Variants in KIAA1217 observed in about 807,000 individuals in gnomAD.
KIAA1217 encodes the protein sickle tail protein homolog.
A neutral mutation model predicts 163.9 loss-of-function variants in KIAA1217; 88 were observed. The observed-to-expected ratio is 0.54, with a 90% CI of 0.45 to 0.64. KIAA1217 has a LOEUF of 0.64. Ranked by LOEUF, KIAA1217 falls within the 30% of genes least tolerant of loss-of-function variation. The probability of loss-of-function intolerance (pLI) is 0.00; values close to 1 mark genes in which losing one functional copy is unlikely to be tolerated. For synonymous variants in KIAA1217, 903 were observed against 923.1 expected, an observed-to-expected ratio of 0.98 and a Z score of 0.39; for missense variants, 2,372 against 2,475.0, an observed-to-expected ratio of 0.96 and a Z score of 0.88.
intron 1 of KIAA1217, among the ~76,000 whole-genome samples, chr10:23,815,753 C>A (rs1837287589): frequency 1.3e-5 from 2 of 152,186 alleles, no homozygotes; most frequent in African/African-American, 2.4e-5. Flanking sequence ...TCACATATTT[C>A]ATGTATAATG....
At chr10:24,260,607 A>G (rs1021549923) in intron 2 of KIAA1217, among the ~76,000 whole-genome samples, 17 of 139,858 alleles carry the variant, frequency 1.2e-4, no homozygotes, top group Admixed American at 3.0e-4. Flanking sequence ...AAAAAAAAAA[A>G]GCCAAGTATG....
At chr10:24,532,063 G>A in intron 15 of KIAA1217, 70 bp downstream of exon 15, 4 of 1,333,550 alleles carry the variant, frequency 3.0e-6, no homozygotes, top group Non-Finnish European at 3.9e-6. Flanking sequence ...GGTTCTCTCT[G>A]TTGGAACATA....
chr10:23,869,652 C>G (rs1034096765), intron 1 of KIAA1217, among the ~76,000 whole-genome samples: 2 of 152,094 alleles, frequency 1.3e-5, no homozygotes, highest in African/African-American at 4.8e-5. Flanking sequence ...TGATGTCACT[C>G]TCACCATCTC....
At chr10:23,846,117 C>T (rs938966165) in intron 1 of KIAA1217, among the ~76,000 whole-genome samples, 10 of 152,104 alleles carry the variant, frequency 6.6e-5, no homozygotes, top group Admixed American at 5.9e-4. Context: ...CAGTACCATG[C>T]TGTTTTGGTT....
chr10:24,278,242 C>T (rs1342256919), intron 2 of KIAA1217, among the ~76,000 whole-genome samples: 1 of 152,200 alleles, frequency 6.6e-6, no homozygotes, highest in Non-Finnish European at 1.5e-5. Context: ...TTCTGAAAGA[C>T]TGTCAGGTAG....
At chr10:23,736,594 C>T (rs1340625649) in intron 1 of KIAA1217, among the ~76,000 whole-genome samples, 2 of 152,156 alleles carry the variant, frequency 1.3e-5, no homozygotes, top group Admixed American at 6.5e-5. Flanking sequence ...GTGAACATAG[C>T]TCACTGCAGC....
At chr10:23,972,102 C>T (rs529680654) in intron 1 of KIAA1217, among the ~76,000 whole-genome samples, 1 of 152,282 alleles carries the variant, frequency 6.6e-6, no homozygotes, top group East Asian at 1.9e-4. Flanking sequence ...ACTTTGGGTA[C>T]ATGTTCTCAG....
In KIAA1217 at chr10:24,286,513, G is replaced by A. The variant is rs1231187100; in HGVS notation, c.354+66604G>A. ...ACATACACACAATCACTCCTTAAATGTGCAAGACCGGGACTTGACTTTGAG... is the reference window on the plus strand; with the variant it reads ...ACATACACACAATCACTCCTTAAATATGCAAGACCGGGACTTGACTTTGAG... On this transcript the variant is annotated intron_variant, in intron 2 of 20. Coordinates refer to ENST00000376454, the MANE Select transcript of KIAA1217 (RefSeq NM_019590.5). Among the ~76,000 whole-genome samples, 5 of 151,706 alleles carry A rather than the reference G, an allele frequency of 3.3e-5. No individual in the cohort carries two copies. In the East Asian group the frequency reaches 5.8e-4, roughly 18 times the overall value.
intron 2 of KIAA1217, among the ~76,000 whole-genome samples, chr10:24,365,279 C>G (rs1304070463): frequency 6.6e-6 from 1 of 152,114 alleles, no homozygotes; most frequent in Non-Finnish European, 1.5e-5. Context: ...CACTGGGACT[C>G]CGGTCTCTTC....
chr10:24,388,223 C>A (rs1467687204), intron 3 of KIAA1217, among the ~76,000 whole-genome samples: 3 of 152,168 alleles, frequency 2.0e-5, no homozygotes, highest in African/African-American at 7.2e-5. Flanking sequence ...ACCAATGGAA[C>A]AGAACAGAGC....
chr10:24,255,347 GCTGA>G (rs10556250), intron 2 of KIAA1217: 101,481 of 305,498 alleles, frequency 0.33, 17,684 homozygotes, highest in African/African-American at 0.38. Context: ...ATCCTGAGCG[GCTGA>G]CTGTCAGGGG....
At chr10:24,033,493 A>G (rs919274772) in intron 2 of KIAA1217, among the ~76,000 whole-genome samples, 1 of 152,220 alleles carries the variant, frequency 6.6e-6, no homozygotes, top group Non-Finnish European at 1.5e-5. Context: ...TGTGTTTTAT[A>G]ATTAAGTTAG....
At chr10:24,275,341 C>G (rs2077165547) in intron 2 of KIAA1217, among the ~76,000 whole-genome samples, 1 of 152,156 alleles carries the variant, frequency 6.6e-6, no homozygotes. Context: ...GGTGCACACA[C>G]AGACACAAAA....
At chr10:23,699,597 T>G (rs931899632) in intron 1 of KIAA1217, among the ~76,000 whole-genome samples, 30 of 152,194 alleles carry the variant, frequency 2.0e-4, no homozygotes, top group African/African-American at 6.3e-4. Context: ...GGCAAATTAC[T>G]GAAGTTGTCC....
chr10:23,966,027 T>G (rs941233682), intron 1 of KIAA1217, among the ~76,000 whole-genome samples: 2 of 152,200 alleles, frequency 1.3e-5, no homozygotes, highest in Non-Finnish European at 2.9e-5. Flanking sequence ...CCTAGGACAC[T>G]GGTTGTCAGT....
At chr10:24,217,294 A>G (rs893652537) in intron 1 of KIAA1217, among the ~76,000 whole-genome samples, 2 of 152,172 alleles carry the variant, frequency 1.3e-5, no homozygotes, top group African/African-American at 4.8e-5. Flanking sequence ...CAACCTAAAT[A>G]AATGAAATGA....
chr10:23,752,669 A>T (rs986613399), intron 1 of KIAA1217, among the ~76,000 whole-genome samples: 16 of 152,178 alleles, frequency 1.1e-4, no homozygotes, highest in African/African-American at 3.9e-4. Flanking sequence ...TTTACTTGGA[A>T]ATTATGCTTT....
intron 2 of KIAA1217, among the ~76,000 whole-genome samples, chr10:24,111,102 A>C (rs1052055561): frequency 2.6e-5 from 4 of 152,210 alleles, no homozygotes; most frequent in Admixed American, 2.6e-4. Flanking sequence ...TATTTGGTAC[A>C]AAATACAATT....
intron 1 of KIAA1217, among the ~76,000 whole-genome samples, chr10:23,858,280 A>T (rs1210098133): frequency 6.6e-6 from 1 of 152,170 alleles, no homozygotes; most frequent in African/African-American, 2.4e-5. Flanking sequence ...TTGCTGTGTC[A>T]TCATTTCAGC....
Sources: allele counts gnomAD v4.1 joint callset (sites outside exome capture counted in the v4.1 genomes callset), GRCh38; gene constraint gnomAD v4.1.1; transcripts MANE v1.5; gene names NCBI Gene and HGNC (gene_info 2026-07-23, HGNC 2026-07-21).